RTTN: variants seen among roughly 807,000 people sequenced by gnomAD.
RTTN encodes rotatin.
Under a neutral mutation model 269.2 loss-of-function variants are expected in RTTN, and 182 were observed. The ratio of observed to expected loss-of-function variants is 0.68; its 90% CI spans 0.60 to 0.76. The LOEUF is 0.76. Among genes scored for constraint, RTTN ranks in the 30% least tolerant of loss-of-function variants. RTTN has a pLI of 0.00. For synonymous variants in RTTN, 1,006 were observed against 963.5 expected (o/e 1.04, Z -0.82); for missense variants, 2,545 against 2,608.6 (o/e 0.98, Z 0.53).
At chr18:70,005,301 G>A (rs753554151) in intron 47 of RTTN, 34 bp from the exon 48 acceptor site, 5 of 1,508,742 alleles carry the variant, frequency 3.3e-6, no homozygotes, top group Non-Finnish European at 4.6e-6. Context: ...TTCTTGCCAT[G>A]TGTTATGGAT....
At chr18:70,156,933 C>G (rs1188856939) in intron 14 of RTTN, among the ~76,000 whole-genome samples, 2 of 152,180 alleles carry the variant, frequency 1.3e-5, no homozygotes, top group East Asian at 3.9e-4. Flanking sequence ...GCCAGCCTCT[C>G]AAAGGGTCCT....
At chr18:70,201,487 A>G (rs976544224) in intron 4 of RTTN, among the ~76,000 whole-genome samples, 3 of 150,434 alleles carry the variant, frequency 2.0e-5, no homozygotes, top group Non-Finnish European at 4.5e-5. Flanking sequence ...GGGCGCCTGT[A>G]GTCCCAGCTA....
rs988797489 is a variant in RTTN, at chr18:70,139,959, A to T, written c.2670+141T>A. 11 of 268,478 alleles carry T rather than the reference A, an allele frequency of 4.1e-5. No individual in the cohort carries two copies. Among genetic ancestry groups the T allele is most frequent in the East Asian group, 8.2e-5 (1 of 12,210 alleles). 16.6% of individuals were successfully genotyped at this position (268,478 alleles called of 1,614,324 possible). ...TATAGAGACTCCACTTTTCGAATTT[A>T]AAAAAAAAAAATGAATGAGATAGGA... On this transcript the variant is annotated intron_variant, in intron 20 of 48. Coordinates refer to ENST00000640769, the MANE Select transcript of RTTN (RefSeq NM_173630.4).
chr18:70,061,424 A>T (rs1005080095), intron 35 of RTTN: 5 of 456,142 alleles, frequency 1.1e-5, no homozygotes, highest in African/African-American at 1.0e-4. Flanking sequence ...TGGAGTTTGG[A>T]AAGCAAGATT....
At chr18:70,102,279 A>AT (rs2145360793) in intron 28 of RTTN, among the ~76,000 whole-genome samples, 1 of 152,292 alleles carries the variant, frequency 6.6e-6, no homozygotes, top group African/African-American at 2.4e-5. Flanking sequence ...GTGCATATAT[A>AT]TTTAGGATAG....
chr18:70,108,632 G>A (rs555463947), intron 28 of RTTN, among the ~76,000 whole-genome samples: 2 of 151,994 alleles, frequency 1.3e-5, no homozygotes, highest in Non-Finnish European at 2.9e-5. Context: ...ATTGAGAAAC[G>A]AAATCCACTA....
In RTTN at chr18:70,197,720, G is replaced by A. The variant is rs576883785; in HGVS notation, c.597C>T (p.Asn199=). ...SSNESSLRSS[N]HTLIWNTCEL... ...CACAGGTGTTCCAGATTAAAGTGTG[G>A]TTACTACTTCTTAAAGAGCTACAAA... The change falls in exon 6 of 49, where the codon AAC becomes AAT. Residue 199 remains asparagine (N), a synonymous_variant. Coordinates refer to ENST00000640769, the MANE Select transcript of RTTN (RefSeq NM_173630.4). 16 of 1,603,748 alleles carry A rather than the reference G, an allele frequency of 1.0e-5. 1 individual carries two copies. Among genetic ancestry groups the A allele is most frequent in the African/African-American group, 1.3e-5 (1 of 74,846 alleles).
intron 35 of RTTN, among the ~76,000 whole-genome samples, chr18:70,062,943 A>G (rs76429721): frequency 6.6e-6 from 1 of 152,262 alleles, no homozygotes; most frequent in South Asian, 2.1e-4. Flanking sequence ...TTTATTTATA[A>G]GTAATTTTGT....
At chr18:70,027,055 C>T (rs897736548) in intron 43 of RTTN, among the ~76,000 whole-genome samples, 1 of 152,080 alleles carries the variant, frequency 6.6e-6, no homozygotes, top group Non-Finnish European at 1.5e-5. Context: ...CTTCTCAATG[C>T]CTCAAATTTA....
Position 70,065,825 on chromosome 18 carries a change from A to G in RTTN, c.4747+4T>C. The G allele has an allele frequency of 6.4e-7, 1 of 1,573,512 alleles. No homozygotes were observed. The highest frequency in any genetic ancestry group is 8.6e-7 in the Non-Finnish European group (1 of 1,158,614). Reference sequence around the variant, plus strand: ...AAGGTAGAATGTCTTCACTAAAAGGATACCTTGAGCCACAAACTGGTCATG... The same window carrying G: ...AAGGTAGAATGTCTTCACTAAAAGGGTACCTTGAGCCACAAACTGGTCATG... On this transcript the variant is annotated splice_donor_region_variant and intron_variant, in intron 35 of 48. Coordinates refer to ENST00000640769, the MANE Select transcript of RTTN (RefSeq NM_173630.4).
At chr18:70,202,990 T>C (rs1390523534) in intron 3 of RTTN, among the ~76,000 whole-genome samples, 2 of 152,094 alleles carry the variant, frequency 1.3e-5, no homozygotes, top group Non-Finnish European at 2.9e-5. Flanking sequence ...TTTTTACTTT[T>C]ACTACTCAGT....
intron 40 of RTTN, 34 bp downstream of exon 40, chr18:70,047,937 A>T (rs1484029403): frequency 6.5e-7 from 1 of 1,540,034 alleles, no homozygotes. Flanking sequence ...TTAAACGCTA[A>T]ATAAAGTTTT....
chr18:70,059,193 T>C (rs1206092002), intron 36 of RTTN, among the ~76,000 whole-genome samples: 1 of 152,154 alleles, frequency 6.6e-6, no homozygotes, highest in Non-Finnish European at 1.5e-5. Context: ...AATGACACAG[T>C]AGGGAGTAAT....
chr18:70,054,889 A>G (rs942946008), intron 37 of RTTN, among the ~76,000 whole-genome samples: 1 of 152,176 alleles, frequency 6.6e-6, no homozygotes, highest in African/African-American at 2.4e-5. Context: ...AAGAAGTGGA[A>G]AAGTGTATAA....
Position 70,134,130 on chromosome 18 carries a change from T to C in RTTN, c.2954+343A>G, listed in dbSNP as rs190049272. Among the ~76,000 whole-genome samples, 1,129 of 152,098 alleles carry C rather than the reference T, an allele frequency of 7.4e-3. 9 individuals carry two copies. The highest frequency in any genetic ancestry group is 0.01 in the Non-Finnish European group (713 of 67,980). On this transcript the variant is annotated intron_variant, in intron 23 of 48. Coordinates refer to ENST00000640769, the MANE Select transcript of RTTN (RefSeq NM_173630.4). ...TTTATGTCTGAAACTTATTTCCAAT[T>C]GGTGGGTGAGGGAGAATTAAATATA...
chr18:70,140,605 A>G (rs1308527010), intron 19 of RTTN, among the ~76,000 whole-genome samples: 1 of 152,142 alleles, frequency 6.6e-6, no homozygotes, highest in Non-Finnish European at 1.5e-5. Context: ...TATGACTTAC[A>G]ACATGAACAT....
chr18:70,026,648 G>C (rs1054504041), intron 43 of RTTN, among the ~76,000 whole-genome samples: 2 of 152,130 alleles, frequency 1.3e-5, no homozygotes, highest in Non-Finnish European at 2.9e-5. Flanking sequence ...AGCAAGGCAA[G>C]AACGGCCTAA....
In RTTN at chr18:70,168,827, TAA is replaced by T. The variant is rs2061059775; in HGVS notation, c.1689+26_1689+27del. Reference sequence around the variant, plus strand: ...ATTTTCAAAATATGTCAAAGGGATTTAAAAGAGATATTAAAAAAGCTTTTTAC... The same window carrying T: ...ATTTTCAAAATATGTCAAAGGGATTTAAGAGATATTAAAAAAGCTTTTTAC... On this transcript the variant is annotated intron_variant, in intron 12 of 48. Coordinates refer to ENST00000640769, the MANE Select transcript of RTTN (RefSeq NM_173630.4). 2.0e-6 allele frequency: 3 copies of T among 1,507,212 alleles called. No individual in the cohort carries two copies. The East Asian group carries it at 6.8e-5, about 34-fold the overall frequency. The allele number at this position is 1,507,212 out of a possible 1,614,324, so 93.4% of individuals were successfully genotyped here. A position where few individuals can be genotyped will look rare whatever the true frequency, so the allele number is the denominator to read the frequency against.
intron 14 of RTTN, among the ~76,000 whole-genome samples, chr18:70,152,036 G>A (rs1044728928): frequency 2.0e-5 from 3 of 152,104 alleles, no homozygotes; most frequent in South Asian, 2.1e-4. Context: ...CAACCTCAAC[G>A]ATGCCAAATC....
Sources: allele counts gnomAD v4.1 joint callset (sites outside exome capture counted in the v4.1 genomes callset), GRCh38; gene constraint gnomAD v4.1.1; transcripts MANE v1.5; gene names NCBI Gene and HGNC (gene_info 2026-07-23, HGNC 2026-07-21).